The following CUX1 variants were observed in gnomAD, a reference collection of about 807,000 sequenced individuals.
CUX1 encodes protein CASP.
A neutral mutation model predicts 158.8 loss-of-function variants in CUX1; 31 were observed. That is an observed-to-expected ratio of 0.20 (90% CI 0.15 to 0.26). The LOEUF (loss-of-function observed/expected upper bound fraction) is 0.26. CUX1 is among the 10% of genes least tolerant of loss of function. The pLI is 1.00. For missense variants in CUX1, 1,589 were observed against 2,014.6 expected, an observed-to-expected ratio of 0.79 and a Z score of 4.04; for synonymous variants, 879 against 862.1, an observed-to-expected ratio of 1.02 and a Z score of -0.34.
At position 101,877,194 on chromosome 7, in the gene CUX1, T is replaced by C. The variant is rs115198477; in HGVS notation, c.31-38921T>C. On this transcript the variant is annotated intron_variant, in intron 1 of 23. Transcript: ENST00000292535. ...CTTACCTATTTTTAAGCAAGTAATA[T>C]AATCTCTTGGTTCCAAAAACAAAGC... is the stretch of plus-strand genomic sequence containing the variant. Among the ~76,000 whole-genome samples, 332 of 152,338 alleles carry C rather than the reference T, an allele frequency of 2.2e-3. 2 individuals are homozygous for C. Among genetic ancestry groups the C allele is most frequent in the African/African-American group, 7.7e-3 (319 of 41,572 alleles).
In CUX1 at chr7:102,017,932, A is replaced by G. The variant is rs559917108; in HGVS notation, c.142-10166A>G. 7.2e-5 allele frequency among the ~76,000 whole-genome samples: 11 copies of G among 152,152 alleles called. No homozygotes were observed. In the South Asian group the frequency reaches 2.1e-3, roughly 29 times the overall value. ...AGATACATCAGTAAATCACAGATGT[A>G]TTTTCAAAGTTCTGAAATGTAACTA... On this transcript the variant is annotated intron_variant, in intron 2 of 23. Coordinates refer to ENST00000292535, the MANE Select transcript of CUX1 (RefSeq NM_181552.4).
chr7:102,018,932 A>G (rs962321933), intron 2 of CUX1, among the ~76,000 whole-genome samples: 2 of 152,154 alleles, frequency 1.3e-5, no homozygotes, highest in African/African-American at 4.8e-5. Context: ...GCAAGTAACA[A>G]GAATAGTTTT....
chr7:101,881,244 T>A (rs1562960423), intron 1 of CUX1, among the ~76,000 whole-genome samples: 1 of 152,210 alleles, frequency 6.6e-6, no homozygotes, highest in East Asian at 1.9e-4. Flanking sequence ...TAACACATGA[T>A]TCAGCTGACA....
rs995873039 is a variant in CUX1 at position 102,039,605 on chromosome 7, T to C, written c.189+11460T>C. Reference sequence around the variant, plus strand: ...AGGAGGTTGAGGCTGCAGTAACCTATGATCACACTGTTGCACTCCAGTCTG... The same window carrying C: ...AGGAGGTTGAGGCTGCAGTAACCTACGATCACACTGTTGCACTCCAGTCTG... On this transcript the variant is annotated intron_variant, in intron 3 of 23. Transcript: ENST00000292535. Among the ~76,000 whole-genome samples, 3 of 149,568 alleles carry C rather than the reference T, an allele frequency of 2.0e-5. No individual in the cohort carries two copies. In the Admixed American group the frequency reaches 2.0e-4, roughly 10 times the overall value.
intron 2 of CUX1, among the ~76,000 whole-genome samples, chr7:102,021,807 C>A (rs964378685): frequency 6.6e-6 from 1 of 152,008 alleles, no homozygotes; most frequent in Admixed American, 6.6e-5. Context: ...GTGATCTGCC[C>A]GCTTCAGCCT....
upstream of CUX1, chr7:101,816,072 C>G: frequency 2.8e-6 from 4 of 1,414,472 alleles, no homozygotes; most frequent in Non-Finnish European, 3.8e-6. Context: ...ATTGGAAGCG[C>G]TTTGATTTAC....
intron 21 of CUX1, among the ~76,000 whole-genome samples, chr7:102,229,303 T>A (rs1798699601): frequency 2.9e-4 from 1 of 3,476 alleles, no homozygotes; most frequent in Non-Finnish European, 6.3e-4. Context: ...GTGTTTCATC[T>A]TTTTTTTTTT....
At chr7:101,978,389 C>T (rs934772844) in intron 2 of CUX1, among the ~76,000 whole-genome samples, 5 of 152,142 alleles carry the variant, frequency 3.3e-5, no homozygotes, top group African/African-American at 7.2e-5. Context: ...CCTGGGGCTC[C>T]CCCTCCTCTC....
chr7:101,835,294 G>A (rs1794504162), intron 1 of CUX1, among the ~76,000 whole-genome samples: 1 of 152,078 alleles, frequency 6.6e-6, no homozygotes, highest in South Asian at 2.1e-4. Context: ...TGTTTGCGGG[G>A]CTCACCCACA....
At chr7:102,106,611 C>A (rs1830387494) in intron 6 of CUX1, among the ~76,000 whole-genome samples, 1 of 152,178 alleles carries the variant, frequency 6.6e-6, no homozygotes, top group Non-Finnish European at 1.5e-5. Context: ...CCAAAAGGTA[C>A]TACCCATTCC....
Position 102,250,131 on chromosome 7 carries a change from C to CA in CUX1, c.*1090dup. ...TGCTTTTTAACCTCTAACCGCAGAGCACGCTGATCAGACCTCATATCTTGG... is the reference window on the plus strand; with the variant it reads ...TGCTTTTTAACCTCTAACCGCAGAGCAACGCTGATCAGACCTCATATCTTGG... On this transcript the variant is annotated 3_prime_UTR_variant, in exon 24 of 24. Transcript: ENST00000292535. 2.0e-6 allele frequency: 2 copies of CA among 985,262 alleles called. No homozygotes were observed. Among genetic ancestry groups the CA allele is most frequent in the South Asian group, 9.4e-5 (2 of 21,274 alleles). The allele number at this position is 985,262 out of a possible 1,614,324, so 61.0% of individuals were successfully genotyped here. A position where few individuals can be genotyped will look rare whatever the true frequency, so the allele number is the denominator to read the frequency against.
intron 8 of CUX1, among the ~76,000 whole-genome samples, chr7:102,143,038 C>T (rs911879568): frequency 5.9e-5 from 9 of 152,344 alleles, no homozygotes; most frequent in Admixed American, 1.3e-4. Flanking sequence ...GGCAAGTCCC[C>T]GGAGTGCAGG....
chr7:102,248,970 G>A lies in CUX1; in HGVS notation c.4446G>A (p.Ala1482=). 1 of 1,475,318 alleles carries A rather than the reference G, an allele frequency of 6.8e-7. No homozygotes were observed. Among genetic ancestry groups the A allele is most frequent in the Non-Finnish European group, 9.0e-7 (1 of 1,106,836 alleles). The allele number at this position is 1,475,318 out of a possible 1,614,324, so 91.4% of individuals were successfully genotyped here. Residue 1482 remains alanine, a synonymous_variant, in exon 24 of 24, where the codon GCG becomes GCA. Coordinates refer to ENST00000292535, the MANE Select transcript of CUX1 (RefSeq NM_181552.4). The surrounding 1 kb of genome is among the most constrained non-coding windows in gnomAD (Gnocchi z 5.8). ...RDNPLRKKKA[A]NLNSIIHRLE... ...ACCCCCTGCGCAAGAAGAAGGCCGCGAACTTGAACAGCATCATCCACCGCC... is the reference window on the plus strand; with the variant it reads ...ACCCCCTGCGCAAGAAGAAGGCCGCAAACTTGAACAGCATCATCCACCGCC...
intron 7 of CUX1, among the ~76,000 whole-genome samples, chr7:102,113,667 C>G (rs1355850450): frequency 6.6e-6 from 1 of 152,192 alleles, no homozygotes; most frequent in African/African-American, 2.4e-5. Flanking sequence ...AAGTGATCCT[C>G]CTGCCTCAGC....
chr7:102,054,596 T>G (rs892748200), intron 3 of CUX1, among the ~76,000 whole-genome samples: 1 of 152,168 alleles, frequency 6.6e-6, no homozygotes, highest in Non-Finnish European at 1.5e-5. Flanking sequence ...CTTGTTTCCT[T>G]TTTCAAAATT....
chr7:101,938,864 T>A (rs2906650), intron 2 of CUX1, among the ~76,000 whole-genome samples: 150,314 of 151,690 alleles, frequency 0.99, 74,480 homozygotes, highest in East Asian at 1. Flanking sequence ...AACATGGTGA[T>A]ACTTCGCCTC....
chr7:101,986,724 T>A (rs1168083262), intron 2 of CUX1, among the ~76,000 whole-genome samples: 2 of 152,168 alleles, frequency 1.3e-5, no homozygotes, highest in Non-Finnish European at 2.9e-5. Context: ...CGAGAGGAAA[T>A]GGACCGTAAG....
At chr7:101,966,203 C>T (rs528661166) in intron 2 of CUX1, among the ~76,000 whole-genome samples, 1 of 152,010 alleles carries the variant, frequency 6.6e-6, no homozygotes, top group Non-Finnish European at 1.5e-5. Flanking sequence ...GTAGCTGGGA[C>T]TACAGGTGCG....
intron 17 of CUX1, chr7:102,277,912 C>T: frequency 8.3e-7 from 1 of 1,206,586 alleles, no homozygotes; most frequent in Non-Finnish European, 1.2e-6. Flanking sequence ...GCACGGAGGC[C>T]TCTCCCCCAC....
Sources: allele counts gnomAD v4.1 joint callset (sites outside exome capture counted in the v4.1 genomes callset), GRCh38; gene constraint gnomAD v4.1.1; non-coding constraint Gnocchi (gnomAD v3.1); transcripts MANE v1.5; gene names NCBI Gene and HGNC (gene_info 2026-07-23, HGNC 2026-07-21).